MAGI1: variants seen among roughly 807,000 people sequenced by gnomAD.
The protein encoded by MAGI1 is membrane-associated guanylate kinase, WW and PDZ domain-containing protein 1.
MAGI1 carries 58 observed loss-of-function variants against 139.9 expected under a neutral mutation model. The observed-to-expected ratio is 0.41, with a 90% CI of 0.34 to 0.52. The LOEUF is 0.52. Ranked by LOEUF, MAGI1 falls within the 20% of genes least tolerant of loss-of-function variation. MAGI1 has a pLI of 0.12. For synonymous variants in MAGI1, 812 were observed against 737.9 expected, an observed-to-expected ratio of 1.10 and a Z score of -1.63; for missense variants, 1,874 against 1,901.6, an observed-to-expected ratio of 0.99 and a Z score of 0.27.
intron 1 of MAGI1, among the ~76,000 whole-genome samples, chr3:65,914,766 T>C (rs1381925655): frequency 2.0e-5 from 3 of 152,190 alleles, no homozygotes; most frequent in African/African-American, 4.8e-5. Context: ...GGTGGATGGA[T>C]ATTTACAGGA....
At chr3:65,459,876 G>C (rs1457262768) in intron 5 of MAGI1, among the ~76,000 whole-genome samples, 1 of 152,022 alleles carries the variant, frequency 6.6e-6, no homozygotes, top group African/African-American at 2.4e-5. Flanking sequence ...AGTGAGCTGC[G>C]TTAACACCAC....
intron 14 of MAGI1, among the ~76,000 whole-genome samples, chr3:65,389,774 A>T (rs1037440859): frequency 1.3e-5 from 2 of 152,162 alleles, no homozygotes; most frequent in Admixed American, 6.5e-5. Context: ...TCCCTGCTCA[A>T]ATTAGTGGGC....
At chr3:65,906,657 G>A (rs2061444712) in intron 1 of MAGI1, among the ~76,000 whole-genome samples, 1 of 152,064 alleles carries the variant, frequency 6.6e-6, no homozygotes, top group Admixed American at 6.6e-5. Flanking sequence ...AGGCTGAGGT[G>A]GGCAGATCAT....
At chr3:65,751,202 C>G (rs1223320890) in intron 1 of MAGI1, among the ~76,000 whole-genome samples, 1 of 152,136 alleles carries the variant, frequency 6.6e-6, no homozygotes, top group Non-Finnish European at 1.5e-5. Context: ...GGTATCGATC[C>G]CATTTCTGCC....
At chr3:65,891,383 C>T (rs2060739909) in intron 1 of MAGI1, among the ~76,000 whole-genome samples, 1 of 152,072 alleles carries the variant, frequency 6.6e-6, no homozygotes, top group South Asian at 2.1e-4. Context: ...ATGCCAGGCG[C>T]TACCACCCAT....
chr3:65,873,923 A>G (rs1474554189), intron 1 of MAGI1: 1 of 152,094 alleles, frequency 6.6e-6, no homozygotes, highest in Non-Finnish European at 1.5e-5. Flanking sequence ...ATTTAAATAT[A>G]AACCAAAACC....
intron 1 of MAGI1, among the ~76,000 whole-genome samples, chr3:65,745,415 T>C (rs934404864): frequency 3.3e-5 from 5 of 152,160 alleles, no homozygotes; most frequent in African/African-American, 1.2e-4. Context: ...GCACAGTTCT[T>C]ACCACAAGAT....
chr3:65,533,575 C>T (rs1304792244), intron 2 of MAGI1, among the ~76,000 whole-genome samples: 4 of 152,176 alleles, frequency 2.6e-5, no homozygotes, highest in Admixed American at 6.5e-5. Flanking sequence ...AAAATTCCAT[C>T]GGTGTACCAT....
intron 1 of MAGI1, among the ~76,000 whole-genome samples, chr3:65,882,285 C>T (rs1236656895): frequency 1.3e-5 from 2 of 152,146 alleles, no homozygotes; most frequent in African/African-American, 4.8e-5. Context: ...GAAGAAAAAG[C>T]TGTTTACTAC....
rs564179756 is a variant in MAGI1 at position 65,884,039 on chromosome 3, A to AAGAC, written c.313+153953_313+153956dup. 3.5e-4 allele frequency among the ~76,000 whole-genome samples: 53 copies of AAGAC among 152,360 alleles called. No individual in the cohort carries two copies. The South Asian group carries it at 3.9e-3, about 11-fold the overall frequency. ...TGAAATGAGACTCTAGCAGAAAAGCAAGACAGAATACACTTATCTTAAAGG... is the reference window on the plus strand; with the variant it reads ...TGAAATGAGACTCTAGCAGAAAAGCAAGACAGACAGAATACACTTATCTTAAAGG... On this transcript the variant is annotated intron_variant, in intron 1 of 22. Transcript: ENST00000402939.
intron 1 of MAGI1, among the ~76,000 whole-genome samples, chr3:65,923,633 A>G (rs1358348853): frequency 2.0e-5 from 3 of 152,180 alleles, no homozygotes; most frequent in Admixed American, 1.3e-4. Flanking sequence ...GAGGGAGTCT[A>G]CCCTCTAGCA....
chr3:65,631,105 C>T (rs2084275531), intron 1 of MAGI1, among the ~76,000 whole-genome samples: 5 of 152,160 alleles, frequency 3.3e-5, no homozygotes, highest in Admixed American at 3.3e-4. Context: ...CACACAAGTC[C>T]TGAAGTAGCC....
intron 1 of MAGI1, among the ~76,000 whole-genome samples, chr3:65,918,252 T>C (rs1403559879): frequency 6.6e-6 from 1 of 152,172 alleles, no homozygotes; most frequent in Non-Finnish European, 1.5e-5. Context: ...AGGGCATCTG[T>C]AGTTTAAGAA....
At chr3:65,805,607 T>C (rs1414869168) in intron 1 of MAGI1, among the ~76,000 whole-genome samples, 1 of 152,186 alleles carries the variant, frequency 6.6e-6, no homozygotes, top group Non-Finnish European at 1.5e-5. Flanking sequence ...CAGAGGAATA[T>C]AAATCATTCT....
Position 66,038,495 on chromosome 3 carries a change from T to G in MAGI1, c.-187A>C. The G allele has an allele frequency of 1.2e-6, 1 of 802,306 alleles. No homozygotes were observed. The highest frequency in any genetic ancestry group is 2.9e-5 in the South Asian group (1 of 34,502). 49.7% of individuals were successfully genotyped at this position (802,306 alleles called of 1,614,324 possible). On this transcript the variant is annotated 5_prime_UTR_variant, in exon 1 of 23. Transcript: ENST00000402939. ...CACTCAAGCCATCATAAAACAAACT[T>G]TCTGGGCTTCCCCGCGAGCCCCGCA...
intron 5 of MAGI1, among the ~76,000 whole-genome samples, chr3:65,464,985 TTATA>T (rs149677255): frequency 6.8e-6 from 1 of 146,228 alleles, no homozygotes; most frequent in Admixed American, 6.9e-5. Flanking sequence ...TGCACACATT[TTATA>T]TATATATATA....
chr3:66,016,017 A>C (rs1031667110), intron 1 of MAGI1, among the ~76,000 whole-genome samples: 2 of 152,170 alleles, frequency 1.3e-5, no homozygotes, highest in African/African-American at 4.8e-5. Flanking sequence ...TGGTCCAACA[A>C]ATTCAGCTCT....
chr3:65,824,492 C>T (rs1259704145), intron 1 of MAGI1, among the ~76,000 whole-genome samples: 1 of 152,210 alleles, frequency 6.6e-6, no homozygotes, highest in African/African-American at 2.4e-5. Context: ...TGTTAGAAAA[C>T]ATGTGAACGG....
At chr3:65,756,386 G>A (rs538600967) in intron 1 of MAGI1, among the ~76,000 whole-genome samples, 15 of 152,232 alleles carry the variant, frequency 9.9e-5, no homozygotes, top group South Asian at 6.2e-4. Context: ...GCAAGATTTC[G>A]GTAAAAGTTG....
Sources: gnomAD v4.1 joint callset for allele counts (sites outside exome capture counted in the v4.1 genomes callset) on GRCh38, gnomAD v4.1.1 for gene constraint, MANE v1.5 for transcripts, NCBI Gene and HGNC (gene_info 2026-07-23, HGNC 2026-07-21) for gene names.